VAV3: variants seen among roughly 807,000 people sequenced by gnomAD.
VAV3 encodes the protein vav guanine nucleotide exchange factor 3.
Under a neutral mutation model 131.2 loss-of-function variants are expected in VAV3, and 94 were observed. The observed-to-expected ratio is 0.72, with a 90% CI of 0.61 to 0.85. The LOEUF (loss-of-function observed/expected upper bound fraction) is 0.85, where lower values mean the gene tolerates loss of function less well. Among genes scored for constraint, VAV3 ranks in the 40% least tolerant of loss-of-function variants. The pLI is 0.00. For synonymous variants in VAV3, 349 were observed against 342.0 expected, an observed-to-expected ratio of 1.02 and a Z score of -0.22; for missense variants, 939 against 1,002.7, an observed-to-expected ratio of 0.94 and a Z score of 0.86.
rs76552397 is a variant in VAV3, at chr1:107,920,713, T to C, written c.204+43953A>G. Among the ~76,000 whole-genome samples, 1,460 of 152,320 alleles carry C rather than the reference T, an allele frequency of 9.6e-3. 11 individuals carry two copies. Among genetic ancestry groups the C allele is most frequent in the Non-Finnish European group, 0.015 (1,041 of 68,016 alleles). Reference sequence around the variant, plus strand: ...AGTGAGCTCAAAGAAAATACAAACATTTCCTTCTCCTCCAGTGACAGGGGA... The same window carrying C: ...AGTGAGCTCAAAGAAAATACAAACACTTCCTTCTCCTCCAGTGACAGGGGA... On this transcript the variant is annotated intron_variant, in intron 1 of 26. Coordinates refer to ENST00000370056, the MANE Select transcript of VAV3 (RefSeq NM_006113.5).
chr1:107,874,764 G>A (rs1014168818), intron 2 of VAV3, 137 bp downstream of exon 2: 23 of 679,486 alleles, frequency 3.4e-5, no homozygotes, highest in Non-Finnish European at 5.6e-5. Context: ...GTTTTGCTAA[G>A]CCATCTACAT....
chr1:107,849,834 A>G lies in VAV3; in HGVS notation c.321+25067T>C, dbSNP rs558571100. On this transcript the variant is annotated intron_variant, in intron 2 of 26. Coordinates refer to ENST00000370056, the MANE Select transcript of VAV3 (RefSeq NM_006113.5). ...CAATCTATCCATCTGACAAAGGGCT[A>G]ATATCCAGAATCTACAAGGAACTTA... is the stretch of plus-strand genomic sequence containing the variant. Among the ~76,000 whole-genome samples the G allele has an allele frequency of 5.1e-4, 78 of 152,342 alleles. 1 individual carries two copies. The South Asian group carries it at 8.1e-3, about 16-fold the overall frequency.
chr1:107,941,448 C>T (rs1026805709), intron 1 of VAV3, among the ~76,000 whole-genome samples: 6 of 152,056 alleles, frequency 3.9e-5, no homozygotes, highest in African/African-American at 1.4e-4. Flanking sequence ...TCATTTTTTC[C>T]AAGTGAACTC....
At chr1:107,786,677 T>A (rs1012586685) in intron 2 of VAV3, among the ~76,000 whole-genome samples, 1 of 152,174 alleles carries the variant, frequency 6.6e-6, no homozygotes, top group African/African-American at 2.4e-5. Flanking sequence ...AAACAAAATG[T>A]GAGTGTGACC....
At chr1:107,655,215 T>C (rs1656455015) in intron 19 of VAV3, among the ~76,000 whole-genome samples, 1 of 152,046 alleles carries the variant, frequency 6.6e-6, no homozygotes. Context: ...ACTACCTGAC[T>C]TCAAAATATA....
At position 107,952,468 on chromosome 1, in the gene VAV3, T is replaced by TTATATATATATTTATATATATATATATA. The variant is rs1553235445; in HGVS notation, c.204+12197_204+12198insTATATATATATATATAAATATATATATA. Among the ~76,000 whole-genome samples the TTATATATATATTTATATATATATATATA allele has an allele frequency of 3.4e-5, 4 of 119,004 alleles. No homozygotes were observed. In the East Asian group the frequency reaches 1.1e-3, roughly 33 times the overall value. 78.1% of individuals were successfully genotyped at this position (119,004 alleles called of 152,430 possible). On this transcript the variant is annotated intron_variant, in intron 1 of 26. Transcript: ENST00000370056. ...TGTGCCCCGAACTTATAACAAAACT[T>TTATATATATATTTATATATATATATATA]TATATATATATATATATACACACAT...
chr1:107,586,539 C>A (rs1179409580), intron 25 of VAV3, among the ~76,000 whole-genome samples: 6 of 152,128 alleles, frequency 3.9e-5, no homozygotes, highest in Non-Finnish European at 5.9e-5. Flanking sequence ...AAAGAAAAAT[C>A]TGAGCCAATC....
At chr1:107,860,190 G>A (rs899685993) in intron 2 of VAV3, among the ~76,000 whole-genome samples, 1 of 152,036 alleles carries the variant, frequency 6.6e-6, no homozygotes, top group South Asian at 2.1e-4. Flanking sequence ...GCATGATCTC[G>A]ACTCACTGCA....
At chr1:107,960,906 T>A (rs1252243963) in intron 1 of VAV3, among the ~76,000 whole-genome samples, 1 of 151,560 alleles carries the variant, frequency 6.6e-6, no homozygotes, top group Non-Finnish European at 1.5e-5. Context: ...TAGCACATTA[T>A]AGATAAATAT....
intron 1 of VAV3, among the ~76,000 whole-genome samples, chr1:107,953,448 G>T (rs540449770): frequency 1.1e-4 from 17 of 152,286 alleles, no homozygotes; most frequent in African/African-American, 4.1e-4. Context: ...CTTTCCCAGG[G>T]TCAGTGTTGT....
intron 1 of VAV3, among the ~76,000 whole-genome samples, chr1:107,952,684 C>T (rs1417820999): frequency 1.3e-5 from 2 of 151,880 alleles, no homozygotes; most frequent in Admixed American, 6.6e-5. Context: ...GCTCCCTTCC[C>T]ATCCACTGTT....
intron 19 of VAV3, among the ~76,000 whole-genome samples, chr1:107,681,663 T>C (rs901495293): frequency 5.9e-5 from 9 of 151,726 alleles, no homozygotes; most frequent in Non-Finnish European, 1.3e-4. Context: ...ACTTTTTTTT[T>C]TTTTTTTTTG....
At chr1:107,776,656 A>G (rs1297930560) in intron 4 of VAV3, among the ~76,000 whole-genome samples, 1 of 152,216 alleles carries the variant, frequency 6.6e-6, no homozygotes, top group Non-Finnish European at 1.5e-5. Flanking sequence ...CTTTGCAAAC[A>G]TGCCTGATCC....
rs1486110578 is a variant in VAV3 at position 107,572,609 on chromosome 1, T to C, written c.*722A>G. On this transcript the variant is annotated 3_prime_UTR_variant, in exon 27 of 27. Coordinates refer to ENST00000370056, the MANE Select transcript of VAV3 (RefSeq NM_006113.5). ...TGAAATCATGAAGGTTGTGAAGGTT[T>C]AATATGAAGACACCCTCTCTTTTGT... The C allele has an allele frequency of 2.0e-5, 3 of 152,654 alleles. No homozygotes were observed. Among genetic ancestry groups the C allele is most frequent in the Non-Finnish European group, 2.9e-5 (2 of 68,040 alleles). The allele number at this position is 152,654 out of a possible 1,614,324, so 9.5% of individuals were successfully genotyped here. A position where few individuals can be genotyped will look rare whatever the true frequency, so the allele number is the denominator to read the frequency against.
At chr1:107,751,303 T>A in intron 12 of VAV3, 101 bp from the exon 13 acceptor site, 1 of 922,296 alleles carries the variant, frequency 1.1e-6, no homozygotes, top group Non-Finnish European at 1.6e-6. Context: ...CTTATTACAT[T>A]AAAATGTTAC....
chr1:107,755,016 G>A (rs1211240451), intron 12 of VAV3, among the ~76,000 whole-genome samples: 1 of 151,656 alleles, frequency 6.6e-6, no homozygotes, highest in Non-Finnish European at 1.5e-5. Context: ...TCAATCTTGA[G>A]ACCATCTTGT....
At chr1:107,733,367 A>C (rs760086842) in intron 15 of VAV3, among the ~76,000 whole-genome samples, 6 of 152,238 alleles carry the variant, frequency 3.9e-5, no homozygotes, top group Non-Finnish European at 8.8e-5. Context: ...CAGCAATGGA[A>C]CAAAGCTGGA....
chr1:107,785,735 G>T, intron 2 of VAV3: 1 of 895,146 alleles, frequency 1.1e-6, no homozygotes, highest in Non-Finnish European at 1.4e-6. Context: ...CAGAAGCATA[G>T]TCTGTAGACC....
At chr1:107,842,669 T>G (rs1355528751) in intron 2 of VAV3, among the ~76,000 whole-genome samples, 1 of 152,152 alleles carries the variant, frequency 6.6e-6, no homozygotes, top group Admixed American at 6.5e-5. Context: ...TTAGTTAATT[T>G]GAAGTTTGGG....
Sources: gnomAD v4.1 joint callset for allele counts (sites outside exome capture counted in the v4.1 genomes callset) on GRCh38, gnomAD v4.1.1 for gene constraint, MANE v1.5 for transcripts, NCBI Gene and HGNC (gene_info 2026-07-23, HGNC 2026-07-21) for gene names.